The following MAPK10 variants were observed in gnomAD, a reference collection of about 807,000 sequenced individuals.
MAPK10 encodes mitogen-activated protein kinase 10, also known as JNK3 alpha protein kinase.
Under a neutral mutation model 59.3 loss-of-function variants are expected in MAPK10, and 25 were observed. That is an observed-to-expected ratio of 0.42 (90% CI 0.31 to 0.59). The LOEUF (loss-of-function observed/expected upper bound fraction) is 0.59, where lower values mean the gene tolerates loss of function less well. Ranked by LOEUF, MAPK10 falls within the 20% of genes least tolerant of loss-of-function variation. The pLI, the probability that MAPK10 is intolerant of heterozygous loss-of-function variation, is 0.15. For missense variants in MAPK10, 351 were observed against 568.9 expected (o/e 0.62, Z 3.90); for synonymous variants, 190 against 200.5 (o/e 0.95, Z 0.44).
intron 1 of MAPK10, among the ~76,000 whole-genome samples, chr4:86,425,246 A>G (rs1044355055): frequency 9.9e-5 from 15 of 152,234 alleles, no homozygotes; most frequent in Non-Finnish European, 2.1e-4. Context: ...GTTTAACAGT[A>G]TATATTACAG....
chr4:86,368,729 A>G (rs189239933), intron 1 of MAPK10, among the ~76,000 whole-genome samples: 1 of 152,278 alleles, frequency 6.6e-6, no homozygotes, highest in East Asian at 1.9e-4. Context: ...AATACAAAAT[A>G]TCTGCCACAA....
intron 1 of MAPK10, among the ~76,000 whole-genome samples, chr4:86,407,871 T>A (rs1247975442): frequency 6.6e-6 from 1 of 152,142 alleles, no homozygotes; most frequent in Non-Finnish European, 1.5e-5. Flanking sequence ...AATCTGGCCA[T>A]AATTTCAGGC....
chr4:86,458,448 C>G (rs559838092), intron 1 of MAPK10, among the ~76,000 whole-genome samples: 2 of 151,704 alleles, frequency 1.3e-5, no homozygotes, highest in Non-Finnish European at 2.9e-5. Flanking sequence ...GGCAACAGAG[C>G]GAAACTCCAT....
chr4:86,036,179 C>T (rs1442248854), intron 11 of MAPK10, among the ~76,000 whole-genome samples: 2 of 152,142 alleles, frequency 1.3e-5, no homozygotes, highest in Non-Finnish European at 2.9e-5. Flanking sequence ...ACCAGAAAGG[C>T]ATGATAGAAA....
chr4:86,415,005 G>A (rs1027038607), intron 1 of MAPK10, among the ~76,000 whole-genome samples: 2 of 151,886 alleles, frequency 1.3e-5, no homozygotes, highest in Non-Finnish European at 2.9e-5. Flanking sequence ...AGGTGTTGTG[G>A]CATATTCCTG....
At chr4:86,297,546 C>T (rs970830963) in intron 2 of MAPK10, among the ~76,000 whole-genome samples, 3 of 152,096 alleles carry the variant, frequency 2.0e-5, no homozygotes, top group African/African-American at 7.2e-5. Flanking sequence ...CTCCTGACCT[C>T]GTGATCCACC....
intron 2 of MAPK10, among the ~76,000 whole-genome samples, chr4:86,329,448 A>G (rs987506310): frequency 3.3e-5 from 5 of 152,222 alleles, no homozygotes; most frequent in Admixed American, 6.5e-5. Flanking sequence ...TAAATTGTGC[A>G]GTTATATTAC....
At chr4:86,238,207 G>A (rs11261935) in intron 2 of MAPK10, among the ~76,000 whole-genome samples, 1 of 152,058 alleles carries the variant, frequency 6.6e-6, no homozygotes. Flanking sequence ...TGGTCTATAT[G>A]TCTGTTTTTG....
chr4:86,309,282 G>A (rs534964729), intron 2 of MAPK10, among the ~76,000 whole-genome samples: 27 of 152,244 alleles, frequency 1.8e-4, no homozygotes, highest in Admixed American at 7.2e-4. Context: ...GCTGCTCAGC[G>A]TGAATATCTC....
chr4:86,317,021 CTCTA>C (rs1564310101), intron 2 of MAPK10, among the ~76,000 whole-genome samples: 1 of 152,090 alleles, frequency 6.6e-6, no homozygotes, highest in Non-Finnish European at 1.5e-5. Flanking sequence ...AGTTTGCAGT[CTCTA>C]TCTAGTCCAT....
At chr4:86,147,094 A>AC (rs2065189286) in intron 4 of MAPK10, among the ~76,000 whole-genome samples, 1 of 147,680 alleles carries the variant, frequency 6.8e-6, no homozygotes, top group Non-Finnish European at 1.5e-5. Flanking sequence ...TCTTCTTCTT[A>AC]TTTTTTTTTT....
At chr4:86,190,935 G>T (rs754133850) in intron 3 of MAPK10, among the ~76,000 whole-genome samples, 1 of 152,020 alleles carries the variant, frequency 6.6e-6, no homozygotes, top group Non-Finnish European at 1.5e-5. Flanking sequence ...AGAGATTCTG[G>T]TATATTGTGT....
chr4:86,400,004 A>T (rs1743483601), intron 1 of MAPK10, among the ~76,000 whole-genome samples: 1 of 152,192 alleles, frequency 6.6e-6, no homozygotes, highest in Non-Finnish European at 1.5e-5. Flanking sequence ...CCTTGAAAAC[A>T]TGATGCCGCT....
At chr4:86,587,076 T>C (rs994310732) in intron 1 of MAPK10, among the ~76,000 whole-genome samples, 3 of 152,224 alleles carry the variant, frequency 2.0e-5, no homozygotes, top group Non-Finnish European at 4.4e-5. Flanking sequence ...TTTTCATGCA[T>C]ATATTGTATT....
At chr4:86,294,417 T>C (rs894703947) in intron 2 of MAPK10, among the ~76,000 whole-genome samples, 1 of 151,824 alleles carries the variant, frequency 6.6e-6, no homozygotes, top group Non-Finnish European at 1.5e-5. Flanking sequence ...TAAATACAAA[T>C]AGGTTAAGTT....
chr4:86,194,433 A>T, intron 2 of MAPK10, 26 bp from the exon 3 acceptor site: 1 of 1,343,578 alleles, frequency 7.4e-7, no homozygotes, highest in East Asian at 2.3e-5. Flanking sequence ...ATGGAGCATA[A>T]ATTTTCAAAT....
rs115027498 is a variant in MAPK10, at chr4:86,471,403, T to C, written c.-262-116759A>G. 3.8e-3 allele frequency among the ~76,000 whole-genome samples: 568 copies of C among 151,420 alleles called. 4 individuals carry two copies. The highest frequency in any genetic ancestry group is 0.014 in the Middle Eastern group (4 of 294). On this transcript the variant is annotated intron_variant, in intron 1 of 4. Coordinates refer to the MAPK10 transcript ENST00000502302. ...TCGTAAGTGTTAAACTGATGTATTCTTACAAAATAAGAGATAAACCCATGA... is the reference window on the plus strand; with the variant it reads ...TCGTAAGTGTTAAACTGATGTATTCCTACAAAATAAGAGATAAACCCATGA...
chr4:86,378,555 G>A lies in MAPK10; in HGVS notation c.-121-23911C>T, dbSNP rs150007899. Reference sequence around the variant, plus strand: ...CCCCTCTAAAATGTGTGAGGATGAGGATGATATTTTGTTTATCAGTGGATC... The same window carrying A: ...CCCCTCTAAAATGTGTGAGGATGAGAATGATATTTTGTTTATCAGTGGATC... On this transcript the variant is annotated intron_variant, in intron 1 of 13. Transcript: ENST00000361569. Among the ~76,000 whole-genome samples, 670 of 152,302 alleles carry A rather than the reference G, an allele frequency of 4.4e-3. 4 individuals are homozygous for A. The highest frequency in any genetic ancestry group is 0.015 in the African/African-American group (631 of 41,564).
At chr4:86,263,497 C>T (rs1001037985) in intron 2 of MAPK10, among the ~76,000 whole-genome samples, 30 of 152,286 alleles carry the variant, frequency 2.0e-4, no homozygotes, top group Admixed American at 1.6e-3. Context: ...ATTGCCCTCC[C>T]TCCAACAAGA....
Sources: gnomAD v4.1 joint callset for allele counts (sites outside exome capture counted in the v4.1 genomes callset) on GRCh38, gnomAD v4.1.1 for gene constraint, MANE v1.5 for transcripts, NCBI Gene and HGNC (gene_info 2026-07-23, HGNC 2026-07-21) for gene names.